FMO3: variants seen among roughly 807,000 people sequenced by gnomAD.
FMO3 encodes the protein flavin containing dimethylaniline monoxygenase 3, also known as flavin-containing monooxygenase 3.
FMO3 carries 40 observed loss-of-function variants against 39.4 expected under a neutral mutation model. The ratio of observed to expected loss-of-function variants is 1.02; its 90% CI spans 0.79 to 1.32. FMO3 has a LOEUF of 1.32. Ranked by LOEUF, FMO3 falls within the 40% of genes most tolerant of loss-of-function variation. The probability of loss-of-function intolerance (pLI) is 0.00; values close to 1 mark genes in which losing one functional copy is unlikely to be tolerated. For missense variants in FMO3, 680 were observed against 651.8 expected, an observed-to-expected ratio of 1.04 and a Z score of -0.47; for synonymous variants, 219 against 228.8, an observed-to-expected ratio of 0.96 and a Z score of 0.39.
chr1:171,107,596 C>T, intron 3 of FMO3, 79 bp from the exon 4 acceptor site: 1 of 1,145,770 alleles, frequency 8.7e-7, no homozygotes, highest in Admixed American at 1.8e-5. Context: ...TCTTAACCCA[C>T]TTTTCTTTTT....
At chr1:171,099,327 C>T (rs934356489) in intron 2 of FMO3, among the ~76,000 whole-genome samples, 1 of 152,094 alleles carries the variant, frequency 6.6e-6, no homozygotes, top group African/African-American at 2.4e-5. Context: ...ACTATGTGGT[C>T]AATTTTGGAT....
rs765373888 is a variant in FMO3 at position 171,117,400 on chromosome 1, A to G, written c.1557A>G (p.Ala519=). 27 of 1,613,016 alleles carry G rather than the reference A, an allele frequency of 1.7e-5. No homozygotes were observed. In the Admixed American group the frequency reaches 3.9e-4, roughly 23 times the overall value. Residue 519 remains alanine, a synonymous_variant, in exon 9 of 9, where the codon GCA becomes GCG. Transcript: ENST00000367755. The part of the protein sequence containing the change: ...CFFFHWLKLF[A]IPILLIAVFL... The stretch of plus-strand genomic sequence containing the variant: ...TTTTCCATTGGCTGAAGCTCTTTGC[A>G]ATTCCTATTCTGTTAATCGCTGTTT...
intron 3 of FMO3, among the ~76,000 whole-genome samples, chr1:171,104,938 CAAAT>C (rs1232100284): frequency 3.3e-5 from 5 of 151,692 alleles, no homozygotes; most frequent in Non-Finnish European, 7.4e-5. Context: ...ATCAAAGGCA[CAAAT>C]AAATAATATT....
Position 171,108,239 on chromosome 1 carries a change from C to T in FMO3, c.627+18C>T. 1 of 1,613,448 alleles carries T rather than the reference C, an allele frequency of 6.2e-7. No homozygotes were observed. Among genetic ancestry groups the T allele is most frequent in the Non-Finnish European group, 8.5e-7 (1 of 1,179,642 alleles). On this transcript the variant is annotated intron_variant, in intron 5 of 8. Coordinates refer to ENST00000367755, the MANE Select transcript of FMO3 (RefSeq NM_001002294.3). The stretch of plus-strand genomic sequence containing the variant: ...CAGAACAGGTACTACTCCCCGGGTA[C>T]TCGGGTGACTCTCGTTACTGACAGA...
intron 2 of FMO3, among the ~76,000 whole-genome samples, chr1:171,095,210 G>A (rs781669844): frequency 6.6e-6 from 1 of 152,138 alleles, no homozygotes; most frequent in Non-Finnish European, 1.5e-5. Flanking sequence ...GGCTACCAAA[G>A]TGATTGGGAC....
In FMO3 at chr1:171,108,074, C is replaced by T; in HGVS notation, c.485-5C>T. 6.2e-7 allele frequency: 1 copy of T among 1,613,728 alleles called. No homozygotes were observed. The highest frequency in any genetic ancestry group is 1.7e-5 in the Admixed American group (1 of 59,980). On this transcript the variant is annotated splice_region_variant and splice_polypyrimidine_tract_variant and intron_variant, in intron 4 of 8. Transcript: ENST00000367755. Reference sequence around the variant, plus strand: ...ACTGCCATGTATTTCTCACTTTTCACTCAGGACTAAACCACTTTAAAGGCA... The same window carrying T: ...ACTGCCATGTATTTCTCACTTTTCATTCAGGACTAAACCACTTTAAAGGCA...
chr1:171,117,017 T>C, intron 8 of FMO3, 83 bp from the exon 9 acceptor site: 1 of 1,010,284 alleles, frequency 9.9e-7, no homozygotes, highest in Non-Finnish European at 1.6e-6. Flanking sequence ...TTCTCACTGA[T>C]ATAAAGTTGC....
At position 171,114,230 on chromosome 1, in the gene FMO3, A is replaced by T; in HGVS notation, c.1051A>T (p.Ile351Phe). 3.7e-6 allele frequency: 6 copies of T among 1,614,006 alleles called. No individual in the cohort carries two copies. The highest frequency in any genetic ancestry group is 5.1e-6 in the Non-Finnish European group (6 of 1,179,924). Reference sequence around the variant, plus strand: ...CATCAAAAGCAGAAACAATGAGATCATTTTATTTAAAGGAGTATTTCCTCC... The same window carrying T: ...CATCAAAAGCAGAAACAATGAGATCTTTTTATTTAAAGGAGTATTTCCTCC... ...SIIKSRNNEI[I>F]LFKGVFPPLL... Residue 351 changes from isoleucine (I) to phenylalanine (F), a missense_variant, in exon 7 of 9, where the codon ATT becomes TTT. Transcript: ENST00000367755.
intron 2 of FMO3, among the ~76,000 whole-genome samples, chr1:171,093,124 CTTT>C (rs11317520): frequency 8.1e-5 from 12 of 148,636 alleles, no homozygotes; most frequent in African/African-American, 1.2e-4. Context: ...CTTTTCACAT[CTTT>C]TTTTTTTTTT....
intron 3 of FMO3, among the ~76,000 whole-genome samples, chr1:171,106,590 T>G (rs1449777674): frequency 6.6e-6 from 1 of 152,142 alleles, no homozygotes; most frequent in Non-Finnish European, 1.5e-5. Context: ...TTACTTCTTT[T>G]CAATAGTCTT....
chr1:171,104,041 T>C (rs1655530398), intron 3 of FMO3, 68 bp downstream of exon 3: 6 of 1,161,392 alleles, frequency 5.2e-6, no homozygotes, highest in African/African-American at 3.0e-5. Flanking sequence ...TACTGGATTC[T>C]CATTTGTTCC....
At chr1:171,101,973 A>G (rs1655416435) in intron 2 of FMO3, among the ~76,000 whole-genome samples, 1 of 151,634 alleles carries the variant, frequency 6.6e-6, no homozygotes, top group Non-Finnish European at 1.5e-5. Flanking sequence ...TTCTCTCTTT[A>G]TGCTGATTAT....
At chr1:171,095,725 G>A (rs986017015) in intron 2 of FMO3, among the ~76,000 whole-genome samples, 1 of 129,450 alleles carries the variant, frequency 7.7e-6, no homozygotes, top group Non-Finnish European at 1.6e-5. Context: ...AATATGGTAT[G>A]TTTCTTTTAT....
intron 8 of FMO3, 43 bp from the exon 9 acceptor site, chr1:171,117,057 A>C (rs1656187814): frequency 7.1e-7 from 1 of 1,410,826 alleles, no homozygotes; most frequent in South Asian, 1.1e-5. Context: ...GTTTCTACAC[A>C]GAGTTTGGGT....
At chr1:171,096,872 G>A (rs1422874161) in intron 2 of FMO3, among the ~76,000 whole-genome samples, 1 of 150,866 alleles carries the variant, frequency 6.6e-6, no homozygotes, top group Non-Finnish European at 1.5e-5. Flanking sequence ...CATGTGCCAT[G>A]TTGGTGTGCG....
rs765771190 is a variant in FMO3 at position 171,108,196 on chromosome 1, C to A, written c.602C>A (p.Thr201Lys). 1 of 1,613,836 alleles carries A rather than the reference C, an allele frequency of 6.2e-7. No individual in the cohort carries two copies. Among genetic ancestry groups the A allele is most frequent in the Non-Finnish European group, 8.5e-7 (1 of 1,179,872 alleles). The change falls in exon 5 of 9, where the codon ACA becomes AAA. Residue 201 changes from threonine (T) to lysine (K), a missense_variant. Coordinates refer to ENST00000367755, the MANE Select transcript of FMO3 (RefSeq NM_001002294.3). ...GGGAATTCGGGCTGTGATATTGCCACAGAACTCAGCCGCACAGCAGAACAG... is the reference window on the plus strand; with the variant it reads ...GGGAATTCGGGCTGTGATATTGCCAAAGAACTCAGCCGCACAGCAGAACAG... The part of the protein sequence containing the change: ...GLGNSGCDIA[T>K]ELSRTAEQVM...
At chr1:171,113,376 G>T (rs1655998221) in intron 6 of FMO3, among the ~76,000 whole-genome samples, 1 of 151,998 alleles carries the variant, frequency 6.6e-6, no homozygotes, top group African/African-American at 2.4e-5. Flanking sequence ...GTCTGCATGG[G>T]GCTCATACTT....
intron 2 of FMO3, among the ~76,000 whole-genome samples, chr1:171,096,014 T>TAA (rs1269456732): frequency 2.3e-5 from 1 of 43,286 alleles, no homozygotes; most frequent in African/African-American, 1.2e-4. Context: ...TTAATATACA[T>TAA]ATTATATATT....
At position 171,110,887 on chromosome 1, in the gene FMO3, TG is replaced by T; in HGVS notation, c.719del (p.Gly240GlufsTer18). 1 of 1,614,060 alleles carries T rather than the reference TG, an allele frequency of 6.2e-7. No homozygotes were observed. The highest frequency in any genetic ancestry group is 8.5e-7 in the Non-Finnish European group (1 of 1,179,950). On this transcript the variant is annotated frameshift_variant, in exon 6 of 9. Coordinates refer to ENST00000367755, the MANE Select transcript of FMO3 (RefSeq NM_001002294.3). LOFTEE classifies it high-confidence loss of function. ...PWDMLLVTRF[G>X]TFLKNNLPTA... is the part of the protein sequence containing the mutation. Reference sequence around the variant, plus strand: ...GGGACATGCTGCTCGTCACTCGATTTGGAACCTTCCTCAAGAACAATTTACC... The same window carrying T: ...GGGACATGCTGCTCGTCACTCGATTTGAACCTTCCTCAAGAACAATTTACC...
Sources: gnomAD v4.1 joint callset for allele counts (sites outside exome capture counted in the v4.1 genomes callset) on GRCh38, gnomAD v4.1.1 for gene constraint, MANE v1.5 for transcripts, NCBI Gene and HGNC (gene_info 2026-07-23, HGNC 2026-07-21) for gene names.